Variants in P3H2 observed in about 807,000 individuals in gnomAD.
P3H2 encodes leprecan-like 1.
In P3H2, 80 loss-of-function variants were observed where a neutral mutation model predicts 87.0. The ratio of observed to expected loss-of-function variants is 0.92; its 90% CI spans 0.77 to 1.11. The LOEUF (loss-of-function observed/expected upper bound fraction) is 1.11. Among genes scored for constraint, P3H2 ranks in the 50% least tolerant of loss-of-function variants. P3H2 has a pLI of 0.00. For missense variants in P3H2, 1,001 were observed against 923.9 expected, an observed-to-expected ratio of 1.08 and a Z score of -1.08; for synonymous variants, 367 against 359.3, an observed-to-expected ratio of 1.02 and a Z score of -0.24.
chr3:190,007,646 C>T (rs553896291), intron 1 of P3H2, among the ~76,000 whole-genome samples: 1 of 150,852 alleles, frequency 6.6e-6, no homozygotes, highest in Admixed American at 6.6e-5. Flanking sequence ...CCAAGAAGGA[C>T]AGAAAAAAAA....
At position 190,019,794 on chromosome 3, in the gene P3H2, A is replaced by G. The variant is rs1474311909; in HGVS notation, c.481-24352T>C. Among the ~76,000 whole-genome samples, 17 of 43,798 alleles carry G rather than the reference A, an allele frequency of 3.9e-4. 2 individuals are homozygous for G. Among genetic ancestry groups the G allele is most frequent in the African/African-American group, 1.0e-3 (16 of 15,552 alleles). The allele number at this position is 43,798 out of a possible 152,430, so 28.7% of individuals were successfully genotyped here. A position where few individuals can be genotyped will look rare whatever the true frequency, so the allele number is the denominator to read the frequency against. Reference sequence around the variant, plus strand: ...TACCTAGAAATTAAAAAATATATATATATATATATATATATATATATACTC... The same window carrying G: ...TACCTAGAAATTAAAAAATATATATGTATATATATATATATATATATACTC... On this transcript the variant is annotated intron_variant, in intron 1 of 14. Transcript: ENST00000319332.
rs1044642519 is a variant in P3H2, at chr3:189,973,222, T to C, written c.1549-198A>G. The C allele has an allele frequency of 1.2e-5, 7 of 580,662 alleles. No homozygotes were observed. The African/African-American group carries it at 1.3e-4, about 11-fold the overall frequency. The allele number at this position is 580,662 out of a possible 1,614,324, so 36.0% of individuals were successfully genotyped here. ...CTCTTCCCAATAACAGATGGAAAGC[T>C]AAAAGCTACTTGGTTCCTCTTCTCT... is the stretch of plus-strand genomic sequence containing the variant. On this transcript the variant is annotated intron_variant, in intron 10 of 14. Transcript: ENST00000319332.
At chr3:190,006,079 G>T (rs1010315662) in intron 1 of P3H2, among the ~76,000 whole-genome samples, 8 of 152,172 alleles carry the variant, frequency 5.3e-5, no homozygotes, top group Non-Finnish European at 1.0e-4. Context: ...CCTCAGCCAA[G>T]AGACTATATT....
At chr3:189,978,859 C>A (rs1018432392) in intron 8 of P3H2, among the ~76,000 whole-genome samples, 37 of 152,070 alleles carry the variant, frequency 2.4e-4, no homozygotes, top group Admixed American at 6.5e-4. Context: ...GTTTCTGGGG[C>A]CTGATTTGAT....
At chr3:190,085,060 G>C (rs1727168336) in intron 1 of P3H2, among the ~76,000 whole-genome samples, 1 of 152,148 alleles carries the variant, frequency 6.6e-6, no homozygotes, top group Admixed American at 6.6e-5. Context: ...CTGGGCCTAA[G>C]GTTCTTTGCT....
At position 190,084,873 on chromosome 3, in the gene P3H2, T is replaced by C. The variant is rs188039075; in HGVS notation, c.480+35379A>G. Among the ~76,000 whole-genome samples, 352 of 151,986 alleles carry C rather than the reference T, an allele frequency of 2.3e-3. 1 individual carries two copies. Among genetic ancestry groups the C allele is most frequent in the South Asian group, 0.011 (52 of 4,824 alleles). ...GTAGGTGTTTTCTGGTGTAAGATAG[T>C]ATGTACATAGTTCATAGCTCTGTAC... On this transcript the variant is annotated intron_variant, in intron 1 of 14. Transcript: ENST00000319332.
intron 7 of P3H2, 76 bp from the exon 8 acceptor site, chr3:189,983,216 G>A (rs1304322478): frequency 1.3e-5 from 14 of 1,096,444 alleles, no homozygotes; most frequent in Non-Finnish European, 1.8e-5. Context: ...ACTTTACCAA[G>A]GTAGTCTGTG....
At chr3:190,112,945 G>A (rs1165403122) in intron 1 of P3H2, among the ~76,000 whole-genome samples, 2 of 152,172 alleles carry the variant, frequency 1.3e-5, no homozygotes, top group Non-Finnish European at 2.9e-5. Context: ...AAAAAAGACA[G>A]GAGGAATTAT....
intron 1 of P3H2, among the ~76,000 whole-genome samples, chr3:190,030,827 A>G (rs1725229779): frequency 6.6e-6 from 1 of 152,184 alleles, no homozygotes; most frequent in South Asian, 2.1e-4. Context: ...ATATAGGAAA[A>G]ATGAGGCAAT....
At chr3:190,099,228 T>C (rs1289242920) in intron 1 of P3H2, among the ~76,000 whole-genome samples, 1 of 152,186 alleles carries the variant, frequency 6.6e-6, no homozygotes, top group Non-Finnish European at 1.5e-5. Flanking sequence ...AACAACAAAT[T>C]ATGCGTGGAA....
intron 1 of P3H2, among the ~76,000 whole-genome samples, chr3:190,110,477 C>T (rs1347025128): frequency 6.6e-6 from 1 of 152,166 alleles, no homozygotes; most frequent in Non-Finnish European, 1.5e-5. Context: ...CCTATAGAAA[C>T]AATGATTGAC....
At chr3:190,120,183 G>C in intron 1 of P3H2, 69 bp downstream of exon 1, 1 of 1,543,278 alleles carries the variant, frequency 6.5e-7, no homozygotes. Flanking sequence ...GACGGGGGCA[G>C]CAGGGAGGGC....
upstream of P3H2, chr3:190,122,113 A>AGGAGAGGGGG (rs1712634988): frequency 7.0e-6 from 1 of 143,350 alleles, no homozygotes; most frequent in African/African-American, 2.7e-5. Context: ...AAGAAAAGAG[A>AGGAGAGGGGG]GGAGAGGAGG....
intron 1 of P3H2, among the ~76,000 whole-genome samples, chr3:190,114,137 C>G (rs530697091): frequency 1.3e-5 from 2 of 150,504 alleles, no homozygotes; most frequent in South Asian, 4.2e-4. Context: ...AGCTGACTAA[C>G]CATGGGAGAA....
At chr3:190,043,396 G>C (rs1725702351) in intron 1 of P3H2, among the ~76,000 whole-genome samples, 3 of 152,138 alleles carry the variant, frequency 2.0e-5, no homozygotes, top group African/African-American at 7.2e-5. Flanking sequence ...TGGAAAGAGT[G>C]CTGACTTCCT....
chr3:190,087,389 A>G (rs1010552828), intron 1 of P3H2, among the ~76,000 whole-genome samples: 3 of 151,790 alleles, frequency 2.0e-5, no homozygotes, highest in Non-Finnish European at 4.4e-5. Context: ...ACAAAAAAAA[A>G]AGAAATTAGC....
intron 1 of P3H2, among the ~76,000 whole-genome samples, chr3:190,003,562 C>A (rs1168016085): frequency 6.6e-6 from 1 of 151,546 alleles, no homozygotes; most frequent in Admixed American, 6.6e-5. Context: ...TAGACAAAAT[C>A]GCTCAAGTCA....
rs3062107 is a variant in P3H2 at position 189,957,441 on chromosome 3, T to TTG, written c.*469_*470dup. The TTG allele has an allele frequency of 9.2e-3, 2,362 of 258,104 alleles. 15 individuals carry two copies. The highest frequency in any genetic ancestry group is 0.037 in the South Asian group (216 of 5,864). 16.0% of individuals were successfully genotyped at this position (258,104 alleles called of 1,614,324 possible). ...AGCTTTTGAATTTGCAGCAACTTAA[T>TTG]TGTGTGTGTGTGTGTGTGTGTGTGT... On this transcript the variant is annotated 3_prime_UTR_variant, in exon 15 of 15. Transcript: ENST00000319332.
At chr3:190,005,286 TG>T (rs1452737477) in intron 1 of P3H2, among the ~76,000 whole-genome samples, 1 of 152,180 alleles carries the variant, frequency 6.6e-6, no homozygotes, top group Non-Finnish European at 1.5e-5. Flanking sequence ...AATCAAAGTA[TG>T]GGTTTATTTA....
Sources: gnomAD v4.1 joint callset for allele counts (sites outside exome capture counted in the v4.1 genomes callset) on GRCh38, gnomAD v4.1.1 for gene constraint, MANE v1.5 for transcripts, NCBI Gene and HGNC (gene_info 2026-07-23, HGNC 2026-07-21) for gene names.